ZAP70: variants seen among roughly 807,000 people sequenced by gnomAD.
ZAP70 encodes the protein tyrosine-protein kinase ZAP-70.
Under a neutral mutation model 65.8 loss-of-function variants are expected in ZAP70, and 27 were observed. That is an observed-to-expected ratio of 0.41 (90% CI 0.30 to 0.57). The LOEUF is 0.57. Ranked by LOEUF, ZAP70 falls within the 20% of genes least tolerant of loss-of-function variation. The pLI is 0.28. For synonymous variants in ZAP70, 363 were observed against 360.8 expected (o/e 1.01, Z -0.07); for missense variants, 696 against 870.5 (o/e 0.80, Z 2.52).
At chr2:97,735,603 C>A in intron 10 of ZAP70, 147 bp downstream of exon 10, 1 of 911,178 alleles carries the variant, frequency 1.1e-6, no homozygotes. Flanking sequence ...CACACCCACA[C>A]CCATACCCAT....
the ZAP70 span, among the ~76,000 whole-genome samples, chr2:97,750,188 T>C: frequency 6.6e-6 from 1 of 152,186 alleles, no homozygotes; most frequent in South Asian, 2.1e-4. Flanking sequence ...ACTGCACTCA[T>C]GTGTACACCC....
chr2:97,720,460 C>A (rs1029762875), intron 2 of ZAP70, among the ~76,000 whole-genome samples: 1 of 152,178 alleles, frequency 6.6e-6, no homozygotes, highest in Non-Finnish European at 1.5e-5. Flanking sequence ...AAACTCCTGA[C>A]TTTAGGTGAT....
At chr2:97,732,688 A>T in intron 4 of ZAP70, 195 bp from the exon 5 acceptor site, 1 of 737,352 alleles carries the variant, frequency 1.4e-6, no homozygotes, top group Non-Finnish European at 2.2e-6. Flanking sequence ...TGGCCCCTCC[A>T]CCGCCCTCTG....
chr2:97,734,943 C>A, intron 9 of ZAP70: 2 of 692,562 alleles, frequency 2.9e-6, no homozygotes, highest in Non-Finnish European at 4.8e-6. Flanking sequence ...AGTTCCCAAC[C>A]CAGGGGAGCT....
chr2:97,715,168 G>C lies in ZAP70; in HGVS notation c.-22+1174G>C, dbSNP rs1172992629. On this transcript the variant is annotated intron_variant, in intron 2 of 13. Transcript: ENST00000264972. The surrounding 1 kb of genome is among the most constrained non-coding windows in gnomAD (Gnocchi z 4.1). ...TGCAGCACCCAGACCACCCCGTGCT[G>C]ACCACTCCCTGCCCCACCCCAAGGT... is the stretch of plus-strand genomic sequence containing the variant. Among the ~76,000 whole-genome samples, 1 of 152,172 alleles carries C rather than the reference G, an allele frequency of 6.6e-6. No individual in the cohort carries two copies. The highest frequency in any genetic ancestry group is 1.5e-5 in the Non-Finnish European group (1 of 68,030).
At chr2:97,738,953 G>A (rs760260965) in intron 13 of ZAP70, among the ~76,000 whole-genome samples, 4 of 152,084 alleles carry the variant, frequency 2.6e-5, no homozygotes, top group Non-Finnish European at 5.9e-5. Context: ...CATGCTCCAG[G>A]CTTCTGCTGA....
chr2:97,742,564 TC>T (rs1678157982), downstream of ZAP70, among the ~76,000 whole-genome samples: 1 of 152,242 alleles, frequency 6.6e-6, no homozygotes, highest in Admixed American at 6.5e-5. Flanking sequence ...TCACCTTTTG[TC>T]CCTTCAGGGT....
At chr2:97,724,623 G>C (rs1365824312) in intron 3 of ZAP70, 185 bp downstream of exon 3, 3 of 1,533,470 alleles carry the variant, frequency 2.0e-6, no homozygotes, top group Admixed American at 2.0e-5. Flanking sequence ...GGGGCTCCGT[G>C]GTGGCGGTCG....
At chr2:97,726,952 G>A (rs1677410177) in intron 4 of ZAP70, among the ~76,000 whole-genome samples, 1 of 152,236 alleles carries the variant, frequency 6.6e-6, no homozygotes, top group Admixed American at 6.5e-5. Flanking sequence ...AGCAGTTCTG[G>A]TTTGGGTCAT....
intron 2 of ZAP70, among the ~76,000 whole-genome samples, chr2:97,716,065 G>C (rs1177790638): frequency 2.0e-5 from 3 of 152,180 alleles, no homozygotes; most frequent in Admixed American, 2.0e-4. Flanking sequence ...GCTGGGGAGG[G>C]GGCAGGGCTC....
At position 97,739,795 on chromosome 2, in the gene ZAP70, A is replaced by G. The variant is rs1368488406; in HGVS notation, c.*297A>G. The G allele has an allele frequency of 2.2e-6, 1 of 455,796 alleles. No homozygotes were observed. Among genetic ancestry groups the G allele is most frequent in the East Asian group, 3.8e-5 (1 of 26,354 alleles). The allele number at this position is 455,796 out of a possible 1,614,324, so 28.2% of individuals were successfully genotyped here. ...CGGATGCCTTCCCCTGGGCCCTGAC[A>G]TTGGAGCCTGGGCATCCTCAGGTGG... On this transcript the variant is annotated 3_prime_UTR_variant, in exon 14 of 14. Coordinates refer to ENST00000264972, the MANE Select transcript of ZAP70 (RefSeq NM_001079.4).
intron 2 of ZAP70, among the ~76,000 whole-genome samples, chr2:97,722,812 G>A (rs543419230): frequency 6.6e-6 from 1 of 152,256 alleles, no homozygotes; most frequent in Non-Finnish European, 1.5e-5. Context: ...CGCTCTGTTC[G>A]TCCATCGGTC....
chr2:97,728,423 A>G (rs1483730211), intron 4 of ZAP70, among the ~76,000 whole-genome samples: 2 of 152,232 alleles, frequency 1.3e-5, no homozygotes, highest in Non-Finnish European at 2.9e-5. Context: ...AGCAGCTACA[A>G]AGAGCCAGGC....
rs1377860088 is a variant in ZAP70, at chr2:97,724,196, G to A, written c.160G>A (p.Val54Met). Residue 54 changes from valine (V) to methionine (M), a missense_variant, in exon 3 of 14, where the codon GTG (valine) becomes ATG (methionine). Val to Met is a conservative substitution (Grantham distance 21). Coordinates refer to ENST00000264972, the MANE Select transcript of ZAP70 (RefSeq NM_001079.4). ...GGYVLSLVHD[V>M]RFHHFPIERQ... ...CTATGTGCTGTCGCTCGTGCACGAT[G>A]TGCGCTTCCACCACTTTCCCATCGA... 3.8e-6 allele frequency: 6 copies of A among 1,599,356 alleles called. No individual in the cohort carries two copies. Among genetic ancestry groups the A allele is most frequent in the African/African-American group, 1.3e-5 (1 of 74,910 alleles).
chr2:97,732,036 G>A (rs946779767), intron 4 of ZAP70, among the ~76,000 whole-genome samples: 3 of 152,112 alleles, frequency 2.0e-5, no homozygotes, highest in Non-Finnish European at 4.4e-5. Context: ...CGAGGGTGCC[G>A]GTGTCTGACA....
the ZAP70 span, among the ~76,000 whole-genome samples, chr2:97,751,209 G>A: frequency 6.6e-6 from 1 of 152,188 alleles, no homozygotes; most frequent in African/African-American, 2.4e-5. Flanking sequence ...CAGATCGTAT[G>A]GGGAGCATAT....
At position 97,724,063 on chromosome 2, in the gene ZAP70, C is replaced by T. The variant is rs200425356; in HGVS notation, c.27C>T (p.Pro9=). 1 of 1,557,862 alleles carries T rather than the reference C, an allele frequency of 6.4e-7. No individual in the cohort carries two copies. Among genetic ancestry groups the T allele is most frequent in the Non-Finnish European group, 8.6e-7 (1 of 1,157,028 alleles). ...TGCCAGACCCCGCGGCGCACCTGCC[C>T]TTCTTCTACGGCAGCATCTCGCGTG... The part of the protein sequence containing the change: MPDPAAHL[P]FFYGSISRAE... Residue 9 remains proline, a synonymous_variant, in exon 3 of 14, where the codon CCC becomes CCT. Coordinates refer to ENST00000264972, the MANE Select transcript of ZAP70 (RefSeq NM_001079.4).
the ZAP70 span, among the ~76,000 whole-genome samples, chr2:97,753,667 G>A: frequency 2.6e-5 from 4 of 151,956 alleles, no homozygotes; most frequent in African/African-American, 7.3e-5. Flanking sequence ...TTGTTTATAC[G>A]TATTTATATA....
chr2:97,733,162 TCTA>T lies in ZAP70; in HGVS notation c.743_745del (p.Tyr248del). 1 of 1,613,882 alleles carries T rather than the reference TCTA, an allele frequency of 6.2e-7. No individual in the cohort carries two copies. Among genetic ancestry groups the T allele is most frequent in the Non-Finnish European group, 8.5e-7 (1 of 1,179,982 alleles). On this transcript the variant is annotated inframe_deletion, in exon 6 of 14. Transcript: ENST00000264972. ...CTGAAGCTGAAGGCGGACGGGCTCA[TCTA>T]CTGCCTGAAGGAGGCCTGCCCCAAC...
Sources: allele counts gnomAD v4.1 joint callset (sites outside exome capture counted in the v4.1 genomes callset), GRCh38; gene constraint gnomAD v4.1.1; non-coding constraint Gnocchi (gnomAD v3.1); transcripts MANE v1.5; gene names NCBI Gene and HGNC (gene_info 2026-07-23, HGNC 2026-07-21).